CDK19: variants seen among roughly 807,000 people sequenced by gnomAD.
CDK19 encodes the protein cyclin-dependent kinase 19.
CDK19 carries 20 observed loss-of-function variants against 68.3 expected under a neutral mutation model. The ratio of observed to expected loss-of-function variants is 0.29; its 90% CI spans 0.21 to 0.43. The LOEUF (loss-of-function observed/expected upper bound fraction) is 0.43, where lower values mean the gene tolerates loss of function less well. Among genes scored for constraint, CDK19 ranks in the 20% least tolerant of loss-of-function variants. CDK19 has a pLI of 1.00. For synonymous variants in CDK19, 221 were observed against 222.8 expected (o/e 0.99, Z 0.07); for missense variants, 339 against 623.5 (o/e 0.54, Z 4.86).
intron 4 of CDK19, among the ~76,000 whole-genome samples, chr6:110,666,877 A>G (rs1300288162): frequency 1.3e-5 from 2 of 152,212 alleles, no homozygotes; most frequent in Non-Finnish European, 2.9e-5. Context: ...ATATAATCTG[A>G]TATCAGTAAA....
At chr6:110,692,501 A>G (rs1037843925) in intron 2 of CDK19, among the ~76,000 whole-genome samples, 1 of 152,186 alleles carries the variant, frequency 6.6e-6, no homozygotes, top group Non-Finnish European at 1.5e-5. Flanking sequence ...TAAAATAGGC[A>G]AAGGTAAAAA....
rs992371620 is a variant in CDK19, at chr6:110,611,622, CT to C, written c.*2912del. 6.6e-6 allele frequency: 1 copy of C among 152,204 alleles called. No individual in the cohort carries two copies. Among genetic ancestry groups the C allele is most frequent in the Non-Finnish European group, 1.5e-5 (1 of 68,078 alleles). 9.4% of individuals were successfully genotyped at this position (152,204 alleles called of 1,614,324 possible). ...CCAATAGGGTGAAACCCCATCTCTA[CT>C]AAAAATACAAAAATTAGCCAGACGT... is the stretch of plus-strand genomic sequence containing the variant. On this transcript the variant is annotated 3_prime_UTR_variant, in exon 13 of 13. Transcript: ENST00000368911.
At chr6:110,771,612 G>A (rs555100420) in intron 1 of CDK19, among the ~76,000 whole-genome samples, 137 of 152,224 alleles carry the variant, frequency 9.0e-4, no homozygotes, top group African/African-American at 3.1e-3. Context: ...TCTGCTCCTC[G>A]TTACTTATGC....
chr6:110,679,136 C>CTA (rs1771784607), intron 2 of CDK19, among the ~76,000 whole-genome samples: 1 of 151,914 alleles, frequency 6.6e-6, no homozygotes, highest in South Asian at 2.1e-4. Context: ...AGCAAGAGCC[C>CTA]TATCTCTACA....
At chr6:110,745,975 T>C (rs1172235314) in intron 2 of CDK19, 151 bp downstream of exon 2, 17 of 437,438 alleles carry the variant, frequency 3.9e-5, no homozygotes, top group Non-Finnish European at 6.3e-5. Flanking sequence ...ATAAAAAGTT[T>C]ATGCAGATTT....
intron 1 of CDK19, chr6:110,814,511 G>C: frequency 2.3e-6 from 1 of 439,848 alleles, no homozygotes; most frequent in Non-Finnish European, 4.6e-6. Context: ...CAGAGCCGTG[G>C]GGCTGGCGAG....
chr6:110,677,758 G>C (rs1296969645), intron 2 of CDK19, among the ~76,000 whole-genome samples: 1 of 152,026 alleles, frequency 6.6e-6, no homozygotes, highest in African/African-American at 2.4e-5. Context: ...TTATATTAGA[G>C]TATCTTTCAA....
At chr6:110,725,521 A>G (rs1453006720) in intron 2 of CDK19, among the ~76,000 whole-genome samples, 1 of 152,154 alleles carries the variant, frequency 6.6e-6, no homozygotes, top group African/African-American at 2.4e-5. Flanking sequence ...CTTAGCATTG[A>G]TTTTACAAAA....
intron 2 of CDK19, among the ~76,000 whole-genome samples, chr6:110,681,410 T>C (rs1772007765): frequency 3.3e-5 from 5 of 152,128 alleles, no homozygotes; most frequent in Admixed American, 3.3e-4. Context: ...GGGTGTGAGA[T>C]TATGCATAAT....
chr6:110,640,898 A>T (rs563259529), intron 4 of CDK19, among the ~76,000 whole-genome samples: 2 of 152,288 alleles, frequency 1.3e-5, no homozygotes, highest in African/African-American at 4.8e-5. Flanking sequence ...TCGAGGCTAG[A>T]GTGAGCTGTG....
At chr6:110,741,765 G>A (rs912543486) in intron 2 of CDK19, among the ~76,000 whole-genome samples, 1 of 152,108 alleles carries the variant, frequency 6.6e-6, no homozygotes, top group Non-Finnish European at 1.5e-5. Context: ...CAGTCAAAGT[G>A]TGAAAGAAAA....
chr6:110,759,404 T>TAAAAAA lies in CDK19; in HGVS notation c.129-13209_129-13204dup, dbSNP rs1157889434. On this transcript the variant is annotated intron_variant, in intron 1 of 12. Coordinates refer to ENST00000368911, the MANE Select transcript of CDK19 (RefSeq NM_015076.5). ...TGGGCAACAGAGTGAGACTCCGTCT[T>TAAAAAA]AAAAAAAAAAAAAAAAAAAAAAAAA... Among the ~76,000 whole-genome samples, 3 of 57,220 alleles carry TAAAAAA rather than the reference T, an allele frequency of 5.2e-5. 1 individual carries two copies. The highest frequency in any genetic ancestry group is 2.3e-4 in the African/African-American group (3 of 13,084). 37.5% of individuals were successfully genotyped at this position (57,220 alleles called of 152,430 possible).
At chr6:110,639,794 A>G (rs914706046) in intron 4 of CDK19, among the ~76,000 whole-genome samples, 12 of 152,230 alleles carry the variant, frequency 7.9e-5, no homozygotes, top group Admixed American at 1.3e-4. Context: ...CTGGGGATGG[A>G]AGTGGGAATG....
chr6:110,773,591 A>C (rs987512069), intron 1 of CDK19, among the ~76,000 whole-genome samples: 1 of 152,198 alleles, frequency 6.6e-6, no homozygotes, highest in Admixed American at 6.5e-5. Flanking sequence ...TATAGCATAC[A>C]TTATACTAAT....
At chr6:110,646,760 C>T (rs868775326) in intron 4 of CDK19, among the ~76,000 whole-genome samples, 2 of 152,142 alleles carry the variant, frequency 1.3e-5, no homozygotes, top group African/African-American at 4.8e-5. Context: ...CCACTGCGCA[C>T]GGTTGAGTTC....
At chr6:110,651,004 G>A (rs952347235) in intron 4 of CDK19, among the ~76,000 whole-genome samples, 4 of 152,114 alleles carry the variant, frequency 2.6e-5, no homozygotes, top group East Asian at 3.9e-4. Flanking sequence ...AAAAACTTGG[G>A]TGAGCGAGCA....
At chr6:110,740,606 TTTAAC>T (rs761269685) in intron 2 of CDK19, among the ~76,000 whole-genome samples, 8 of 152,344 alleles carry the variant, frequency 5.3e-5, no homozygotes, top group South Asian at 2.1e-4. Context: ...TTACAAGCTC[TTTAAC>T]TTATTTTCCC....
chr6:110,778,766 C>T (rs577545388), intron 1 of CDK19, among the ~76,000 whole-genome samples: 2 of 152,248 alleles, frequency 1.3e-5, no homozygotes, highest in South Asian at 2.1e-4. Context: ...CTCGCTGCTA[C>T]GACTGGTCAA....
At chr6:110,678,866 G>C (rs1464735378) in intron 2 of CDK19, among the ~76,000 whole-genome samples, 1 of 152,182 alleles carries the variant, frequency 6.6e-6, no homozygotes, top group Non-Finnish European at 1.5e-5. Context: ...CTGTCCGGTA[G>C]AGGTTCACTG....
Sources: allele counts gnomAD v4.1 joint callset (sites outside exome capture counted in the v4.1 genomes callset), GRCh38; gene constraint gnomAD v4.1.1; transcripts MANE v1.5; gene names NCBI Gene and HGNC (gene_info 2026-07-23, HGNC 2026-07-21).